The following WNK2 variants were observed in gnomAD, a reference collection of about 807,000 sequenced individuals.
WNK2 encodes the protein WNK lysine deficient protein kinase 2, also known as serine/threonine-protein kinase WNK2.
In WNK2, 67 loss-of-function variants were observed where a neutral mutation model predicts 192.1. That is an observed-to-expected ratio of 0.35 (90% CI 0.29 to 0.43). The LOEUF (loss-of-function observed/expected upper bound fraction) is 0.43. WNK2 is among the 20% of genes least tolerant of loss of function. WNK2 has a pLI of 1.00. For missense variants in WNK2, 2,698 were observed against 3,089.7 expected (o/e 0.87, Z 3.01); for synonymous variants, 1,439 against 1,393.9 (o/e 1.03, Z -0.72).
chr9:93,207,332 C>A (rs1171543487), intron 2 of WNK2, among the ~76,000 whole-genome samples: 1 of 152,116 alleles, frequency 6.6e-6, no homozygotes, highest in Admixed American at 6.5e-5. Flanking sequence ...TTTGACCTGC[C>A]CCAGATCTCT....
chr9:93,229,678 A>G lies in WNK2; in HGVS notation c.682-18A>G, dbSNP rs1232463184. On this transcript the variant is annotated intron_variant, in intron 2 of 29. Transcript: ENST00000427277. The surrounding 1 kb of genome is among the most constrained non-coding windows in gnomAD (Gnocchi z 4.9). ...GTGTCCCATCTCTTGCCCACTTAGC[A>G]TGTCTCTTGCCCTGTAGGACCGGAA... 6 of 1,607,506 alleles carry G rather than the reference A, an allele frequency of 3.7e-6. No individual in the cohort carries two copies. The highest frequency in any genetic ancestry group is 5.1e-6 in the Non-Finnish European group (6 of 1,175,576).
At chr9:93,198,531 T>C (rs941505345) in intron 2 of WNK2, among the ~76,000 whole-genome samples, 1 of 151,734 alleles carries the variant, frequency 6.6e-6, no homozygotes. Context: ...GTTGGGGGAG[T>C]GTGCCCGGGC....
At chr9:93,230,776 G>T (rs1340327194) in intron 3 of WNK2, 112 bp from the exon 4 acceptor site, 1 of 960,228 alleles carries the variant, frequency 1.0e-6, no homozygotes, top group Non-Finnish European at 1.5e-6. Flanking sequence ...GGTATGTGCC[G>T]TGTGCACGGG....
chr9:93,265,725 T>C (rs967520150), intron 16 of WNK2, among the ~76,000 whole-genome samples: 5 of 152,248 alleles, frequency 3.3e-5, no homozygotes, highest in African/African-American at 1.2e-4. Context: ...TGATGCTGCA[T>C]GTGCGGCTGA....
chr9:93,276,266 A>G (rs966758166), intron 19 of WNK2, among the ~76,000 whole-genome samples: 4 of 152,262 alleles, frequency 2.6e-5, no homozygotes, highest in Admixed American at 2.0e-4. Flanking sequence ...TCGGTGGAAC[A>G]GAATGAGCCC....
intron 2 of WNK2, among the ~76,000 whole-genome samples, chr9:93,199,681 G>A (rs941197954): frequency 6.6e-6 from 1 of 152,042 alleles, no homozygotes; most frequent in Non-Finnish European, 1.5e-5. Flanking sequence ...GGTGGATCAC[G>A]AGGTCAGGAG....
chr9:93,196,031 C>T (rs1157149423), intron 2 of WNK2, among the ~76,000 whole-genome samples: 1 of 152,166 alleles, frequency 6.6e-6, no homozygotes, highest in African/African-American at 2.4e-5. Context: ...ACAGGCATTG[C>T]TGTTGAGGAA....
chr9:93,233,493 C>T (rs1839256002), intron 4 of WNK2, among the ~76,000 whole-genome samples: 1 of 151,946 alleles, frequency 6.6e-6, no homozygotes, highest in African/African-American at 2.4e-5. Flanking sequence ...GTCAGAAGTT[C>T]GAGAACAGCC....
At chr9:93,304,457 T>G (rs1410213682) in intron 26 of WNK2, among the ~76,000 whole-genome samples, 6 of 152,252 alleles carry the variant, frequency 3.9e-5, no homozygotes, top group Admixed American at 3.9e-4. Flanking sequence ...CCAGCACCAC[T>G]GAGCAGTCCA....
chr9:93,257,095 A>G lies in WNK2; in HGVS notation c.2338A>G (p.Met780Val), dbSNP rs910653028. ...CCCCGCTCAGCTGAAGCCCCTCCAG[A>G]TGCCACAGGCGCCCCTGCAGCCGCT... is the stretch of plus-strand genomic sequence containing the variant. ...GAPAQLKPLQ[M>V]PQAPLQPLAQ... Residue 780 changes from methionine (M) to valine (V), a missense_variant, in exon 11 of 30, where the codon ATG becomes GTG. Around this residue, in one of 7 missense-constraint regions of WNK2, gnomAD observed 893 missense variants for 909.0 expected, o/e 0.98. Coordinates refer to ENST00000427277, the MANE Select transcript of WNK2 (RefSeq NM_006648.4). This position sits in a 1 kb window ranked among gnomAD's most constrained non-coding sequence, Gnocchi z 4.7. 1 of 1,608,474 alleles carries G rather than the reference A, an allele frequency of 6.2e-7. No homozygotes were observed. The highest frequency in any genetic ancestry group is 8.5e-7 in the Non-Finnish European group (1 of 1,178,908).
At chr9:93,240,361 G>A (rs1037330961) in intron 7 of WNK2, among the ~76,000 whole-genome samples, 2 of 152,188 alleles carry the variant, frequency 1.3e-5, no homozygotes, top group Non-Finnish European at 2.9e-5. Context: ...TTGGGTTTGG[G>A]ATCTTCGCCT....
chr9:93,293,512 G>A (rs779074748), intron 23 of WNK2, among the ~76,000 whole-genome samples: 1 of 152,094 alleles, frequency 6.6e-6, no homozygotes, highest in African/African-American at 2.4e-5. Flanking sequence ...TAGAGACGGG[G>A]TTTCACCATG....
intron 28 of WNK2, among the ~76,000 whole-genome samples, chr9:93,311,321 G>A (rs921877641): frequency 1.3e-5 from 2 of 152,138 alleles, no homozygotes; most frequent in African/African-American, 2.4e-5. Context: ...ATCCTGTTAC[G>A]GGATTGTCTG....
chr9:93,268,133 C>T, intron 18 of WNK2, 68 bp downstream of exon 18: 1 of 1,547,314 alleles, frequency 6.5e-7, no homozygotes. Context: ...CAGCATATTA[C>T]CAGGGGTTTG....
chr9:93,220,071 GTTCCCC>G (rs1836556549), intron 2 of WNK2, among the ~76,000 whole-genome samples: 1 of 152,172 alleles, frequency 6.6e-6, no homozygotes, highest in Non-Finnish European at 1.5e-5. Flanking sequence ...GTTTAAAGTG[GTTCCCC>G]CAGGGTGTGA....
chr9:93,277,034 C>CA (rs1165251343), intron 19 of WNK2, among the ~76,000 whole-genome samples: 3,072 of 116,694 alleles, frequency 0.026, 45 homozygotes, highest in East Asian at 0.062. Flanking sequence ...GACTCCGTCT[C>CA]AAAAAAAAAA....
At chr9:93,188,035 A>G (rs933407622) in intron 2 of WNK2, among the ~76,000 whole-genome samples, 1 of 152,110 alleles carries the variant, frequency 6.6e-6, no homozygotes, top group African/African-American at 2.4e-5. Flanking sequence ...CATCCTGCAC[A>G]TGACCGCTAG....
intron 29 of WNK2, chr9:93,319,014 AG>A: frequency 2.0e-6 from 3 of 1,525,752 alleles, no homozygotes; most frequent in Non-Finnish European, 1.8e-6. Context: ...ATCTTCTGCC[AG>A]GGCACGATGC....
intron 28 of WNK2, among the ~76,000 whole-genome samples, chr9:93,312,488 C>A (rs1853840908): frequency 6.6e-6 from 1 of 152,118 alleles, no homozygotes; most frequent in African/African-American, 2.4e-5. Flanking sequence ...AATTCTCCTG[C>A]CTCAGCCTCC....
Sources: gnomAD v4.1 joint callset for allele counts (sites outside exome capture counted in the v4.1 genomes callset) on GRCh38, gnomAD v4.1.1 for gene constraint, gnomAD v4.1.1 regional missense constraint, Gnocchi (gnomAD v3.1) non-coding constraint, MANE v1.5 for transcripts, NCBI Gene and HGNC (gene_info 2026-07-23, HGNC 2026-07-21) for gene names.